Variants in PRICKLE1 observed in about 807,000 individuals in gnomAD.
PRICKLE1 encodes prickle-like protein 1.
In PRICKLE1, 14 loss-of-function variants were observed where a neutral mutation model predicts 70.2. The ratio of observed to expected loss-of-function variants is 0.20; its 90% CI spans 0.13 to 0.31. PRICKLE1 has a LOEUF of 0.31. PRICKLE1 is among the 10% of genes least tolerant of loss of function. The probability of loss-of-function intolerance (pLI) is 1.00; values close to 1 mark genes in which losing one functional copy is unlikely to be tolerated. For synonymous variants in PRICKLE1, 357 were observed against 379.9 expected, an observed-to-expected ratio of 0.94 and a Z score of 0.70; for missense variants, 821 against 1,026.2, an observed-to-expected ratio of 0.80 and a Z score of 2.73.
chr12:42,536,795 C>A (rs1287324500), intron 1 of PRICKLE1, among the ~76,000 whole-genome samples: 3 of 152,166 alleles, frequency 2.0e-5, no homozygotes, highest in Non-Finnish European at 4.4e-5. Context: ...TCCCTCTTGT[C>A]CACCCTTTCA....
At chr12:42,508,910 C>T (rs566513953) in intron 1 of PRICKLE1, among the ~76,000 whole-genome samples, 3 of 152,280 alleles carry the variant, frequency 2.0e-5, no homozygotes, top group Admixed American at 6.5e-5. Flanking sequence ...GTTCTTTTGG[C>T]TATGAAATCC....
chr12:42,512,709 G>C (rs1022572290), intron 1 of PRICKLE1, among the ~76,000 whole-genome samples: 3 of 151,824 alleles, frequency 2.0e-5, no homozygotes, highest in Non-Finnish European at 4.4e-5. Flanking sequence ...CCAGGCTGGA[G>C]TGCAGTGGTG....
intron 1 of PRICKLE1, among the ~76,000 whole-genome samples, chr12:42,546,635 T>C (rs1592018242): frequency 6.6e-6 from 1 of 152,092 alleles, no homozygotes; most frequent in East Asian, 1.9e-4. Context: ...GTGCCTGTAA[T>C]CCCAGCTACT....
chr12:42,562,905 G>C (rs1259776994), intron 1 of PRICKLE1, among the ~76,000 whole-genome samples: 1 of 152,102 alleles, frequency 6.6e-6, no homozygotes, highest in Non-Finnish European at 1.5e-5. Context: ...ATTGTGATCA[G>C]GGGGCCGGGT....
At chr12:42,514,893 CTATCTATCTATCTATCTAT>C in intron 1 of PRICKLE1, among the ~76,000 whole-genome samples, 1 of 77,932 alleles carries the variant, frequency 1.3e-5, no homozygotes, top group Non-Finnish European at 2.9e-5. Context: ...CTCGCTCTAT[CTATCTATCTATCTATCTAT>C]CTATCTATCT....
In PRICKLE1 at chr12:42,526,928, T is replaced by C. The variant is rs997484526; in HGVS notation, c.-48-54364A>G. Among the ~76,000 whole-genome samples the C allele has an allele frequency of 3.3e-5, 5 of 152,062 alleles. No individual in the cohort carries two copies. The South Asian group carries it at 1.0e-3, about 32-fold the overall frequency. On this transcript the variant is annotated intron_variant, in intron 1 of 7. Transcript: ENST00000345127. ...GAATTACCAGATGGAATCAAGAGAC[T>C]ATGTATGCTGCTTGAATGATATAGG...
chr12:42,468,072 G>A (rs561385690), intron 5 of PRICKLE1, among the ~76,000 whole-genome samples: 1 of 152,152 alleles, frequency 6.6e-6, no homozygotes, highest in South Asian at 2.1e-4. Flanking sequence ...CTGGGAGAAG[G>A]GCATGCAGGA....
intron 1 of PRICKLE1, among the ~76,000 whole-genome samples, chr12:42,539,508 G>A (rs1052249389): frequency 4.6e-5 from 7 of 151,246 alleles, no homozygotes; most frequent in Admixed American, 2.0e-4. Flanking sequence ...AACTTTATCT[G>A]TGTTCTTATA....
At chr12:42,500,904 T>C (rs1939294916) in intron 1 of PRICKLE1, among the ~76,000 whole-genome samples, 1 of 152,218 alleles carries the variant, frequency 6.6e-6, no homozygotes, top group Non-Finnish European at 1.5e-5. Context: ...TAGTTCCAAT[T>C]AAAGACAGCT....
intron 1 of PRICKLE1, among the ~76,000 whole-genome samples, chr12:42,547,070 T>C (rs1213122458): frequency 6.6e-6 from 1 of 152,214 alleles, no homozygotes; most frequent in Non-Finnish European, 1.5e-5. Flanking sequence ...CTCACTAATA[T>C]AGGAACAATC....
In PRICKLE1 at chr12:42,460,884, TTTTTG is replaced by T. The variant is rs202051844; in HGVS notation, c.1640-224_1640-220del. ...TGGGCACAGCCTTTTTTGTTTTGTT[TTTTTG>T]TTTTGTTTTGAGACAGAGTTTTGCT... On this transcript the variant is annotated intron_variant, in intron 7 of 7. Transcript: ENST00000345127. 0.011 allele frequency among the ~76,000 whole-genome samples: 1,697 copies of T among 152,218 alleles called. 21 individuals carry two copies. Among genetic ancestry groups the T allele is most frequent in the South Asian group, 0.016 (77 of 4,812 alleles).
intron 1 of PRICKLE1, among the ~76,000 whole-genome samples, chr12:42,542,776 C>T (rs1940139775): frequency 2.0e-5 from 3 of 152,206 alleles, no homozygotes; most frequent in African/African-American, 7.2e-5. Flanking sequence ...AGTTGTCTTA[C>T]AGAAGGGCCC....
intron 1 of PRICKLE1, among the ~76,000 whole-genome samples, chr12:42,574,802 G>A (rs976432240): frequency 4.6e-5 from 7 of 151,478 alleles, no homozygotes; most frequent in African/African-American, 1.7e-4. Context: ...AAGTTTTGTT[G>A]TTGCTGTTTT....
intron 1 of PRICKLE1, among the ~76,000 whole-genome samples, chr12:42,495,095 G>A (rs148943209): frequency 0.016 from 2,500 of 151,694 alleles, 28 homozygotes; most frequent in Non-Finnish European, 0.023. Flanking sequence ...GGGCCTTGGC[G>A]TGGTTGCTCA....
intron 1 of PRICKLE1, among the ~76,000 whole-genome samples, chr12:42,527,965 ATATATATCTCCAAAGTTT>A: frequency 9.3e-5 from 1 of 10,780 alleles, no homozygotes; most frequent in Non-Finnish European, 2.9e-4. Context: ...ATATATATAT[ATATATATCTCCAAAGTTT>A]TATATACTAT....
chr12:42,459,676 G>GTGTAACACTGTAAA lies in PRICKLE1; in HGVS notation c.*132_*133insTTTACAGTGTTACA. The GTGTAACACTGTAAA allele has an allele frequency of 1.0e-6, 1 of 995,182 alleles. No individual in the cohort carries two copies. The highest frequency in any genetic ancestry group is 1.6e-6 in the Non-Finnish European group (1 of 640,470). The allele number at this position is 995,182 out of a possible 1,614,324, so 61.6% of individuals were successfully genotyped here. A position where few individuals can be genotyped will look rare whatever the true frequency, so the allele number is the denominator to read the frequency against. ...AAATGTTAATCTGACACTGTAAACA[G>GTGTAACACTGTAAA]CAGTTGAGTTCTCATTTACATGGGC... On this transcript the variant is annotated 3_prime_UTR_variant, in exon 8 of 8. Coordinates refer to ENST00000345127, the MANE Select transcript of PRICKLE1 (RefSeq NM_153026.3).
chr12:42,588,005 A>G (rs1257584664), intron 1 of PRICKLE1, among the ~76,000 whole-genome samples: 1 of 152,084 alleles, frequency 6.6e-6, no homozygotes, highest in Admixed American at 6.5e-5. Context: ...CGGTCAAACA[A>G]GGCTGCCGGC....
chr12:42,476,781 G>A (rs1593121279), intron 1 of PRICKLE1, among the ~76,000 whole-genome samples: 1 of 152,170 alleles, frequency 6.6e-6, no homozygotes, highest in East Asian at 1.9e-4. Flanking sequence ...CCAAGTAGGT[G>A]GGACCACGGG....
At chr12:42,479,465 C>G (rs919958331) in intron 1 of PRICKLE1, among the ~76,000 whole-genome samples, 1 of 152,222 alleles carries the variant, frequency 6.6e-6, no homozygotes, top group African/African-American at 2.4e-5. Flanking sequence ...CTAGGTAAAG[C>G]TTGTTCCCCA....
Sources: gnomAD v4.1 joint callset for allele counts (sites outside exome capture counted in the v4.1 genomes callset) on GRCh38, gnomAD v4.1.1 for gene constraint, MANE v1.5 for transcripts, NCBI Gene and HGNC (gene_info 2026-07-23, HGNC 2026-07-21) for gene names.